The following ZNF292 variants were observed in gnomAD, a reference collection of about 807,000 sequenced individuals.
ZNF292 encodes zinc finger protein 292, also known as 16 zinc-finger domain protein.
ZNF292 carries 26 observed loss-of-function variants against 217.9 expected under a neutral mutation model. That is an observed-to-expected ratio of 0.12 (90% CI 0.09 to 0.17). ZNF292 has a LOEUF of 0.17. Ranked by LOEUF, ZNF292 falls within the 10% of genes least tolerant of loss-of-function variation. The pLI is 1.00. For synonymous variants in ZNF292, 1,257 were observed against 1,124.1 expected (o/e 1.12, Z -2.37); for missense variants, 2,904 against 3,175.2 (o/e 0.91, Z 2.05).
Position 87,259,271 on chromosome 6 carries a change from C to G in ZNF292, c.5642C>G (p.Thr1881Arg), listed in dbSNP as rs143920899. ...CCTGTTAAATCAACTGCAGATATCA[C>G]AGTTATTCAGCCAGTTTCTGAAATG... The part of the protein sequence containing the change: ...PTPVKSTADI[T>R]VIQPVSEMIN... Residue 1881 changes from threonine to arginine, a missense_variant, in exon 8 of 8, where the codon ACA (threonine) becomes AGA (arginine). This residue lies in a region of ZNF292 where 622 missense variants were observed against 573.1 expected (regional missense o/e 1.09). Coordinates refer to ENST00000369577, the MANE Select transcript of ZNF292 (RefSeq NM_015021.3). 1 of 1,613,658 alleles carries G rather than the reference C, an allele frequency of 6.2e-7. No homozygotes were observed. The highest frequency in any genetic ancestry group is 2.2e-5 in the East Asian group (1 of 44,864).
intron 1 of ZNF292, among the ~76,000 whole-genome samples, chr6:87,159,466 G>A (rs1770648011): frequency 6.8e-6 from 1 of 147,384 alleles, no homozygotes; most frequent in Non-Finnish European, 1.5e-5. Context: ...AGGCTCAAGT[G>A]ATCCTCCTGT....
intron 1 of ZNF292, among the ~76,000 whole-genome samples, chr6:87,177,352 C>G (rs1305645033): frequency 6.6e-6 from 1 of 151,604 alleles, no homozygotes; most frequent in African/African-American, 2.4e-5. Flanking sequence ...TGTTTTGAAT[C>G]CTTCAGTCAT....
intron 4 of ZNF292, among the ~76,000 whole-genome samples, chr6:87,228,838 T>C (rs1393077855): frequency 6.6e-6 from 1 of 152,228 alleles, no homozygotes; most frequent in Non-Finnish European, 1.5e-5. Flanking sequence ...AGCTCTGTAA[T>C]ACATCTCAAA....
At chr6:87,244,458 T>G (rs1193864721) in intron 6 of ZNF292, among the ~76,000 whole-genome samples, 1 of 152,208 alleles carries the variant, frequency 6.6e-6, no homozygotes, top group African/African-American at 2.4e-5. Context: ...TTTGTTGGTT[T>G]TTACAAAGGC....
chr6:87,183,647 A>G (rs982843334), intron 1 of ZNF292, among the ~76,000 whole-genome samples: 1 of 152,244 alleles, frequency 6.6e-6, no homozygotes, highest in Admixed American at 6.5e-5. Context: ...ACCACAGAAC[A>G]TAAACCACTT....
At position 87,255,815 on chromosome 6, in the gene ZNF292, G is replaced by T; in HGVS notation, c.2186G>T (p.Arg729Leu). 6.2e-7 allele frequency: 1 copy of T among 1,613,726 alleles called. No homozygotes were observed. The highest frequency in any genetic ancestry group is 8.5e-7 in the Non-Finnish European group (1 of 1,179,816). Reference protein sequence around the residue: ...SKKVICQYCRRHFVSVTHLND... With the variant: ...SKKVICQYCRLHFVSVTHLND... ...AAAGTTATTTGCCAGTACTGTAGGC[G>T]GCATTTTGTGAGTGTTACTCATCTC... The change falls in exon 8 of 8, where the codon CGG becomes CTG. Residue 729 changes from arginine to leucine, a missense_variant. Coordinates refer to ENST00000369577, the MANE Select transcript of ZNF292 (RefSeq NM_015021.3).
intron 1 of ZNF292, among the ~76,000 whole-genome samples, chr6:87,156,152 C>T (rs1156463368): frequency 6.6e-6 from 1 of 152,266 alleles, no homozygotes; most frequent in Non-Finnish European, 1.5e-5. Context: ...GCCTCTGCGC[C>T]TCTGCTTCCC....
At chr6:87,247,193 T>G (rs954658687) in intron 7 of ZNF292, among the ~76,000 whole-genome samples, 10 of 148,988 alleles carry the variant, frequency 6.7e-5, no homozygotes, top group Non-Finnish European at 1.5e-4. Context: ...AAAAAGATCT[T>G]GGGCCAGCTC....
intron 5 of ZNF292, among the ~76,000 whole-genome samples, chr6:87,240,966 G>C (rs572270492): frequency 6.6e-6 from 1 of 152,144 alleles, no homozygotes; most frequent in African/African-American, 2.4e-5. Flanking sequence ...AGAACTTAAC[G>C]CTTAGGCCTT....
intron 1 of ZNF292, among the ~76,000 whole-genome samples, chr6:87,158,657 A>G (rs1770623666): frequency 6.6e-6 from 1 of 152,196 alleles, no homozygotes; most frequent in Non-Finnish European, 1.5e-5. Flanking sequence ...AGCCCGGGTG[A>G]CAGAGAAAGA....
chr6:87,176,274 G>T (rs1395433230), intron 1 of ZNF292, among the ~76,000 whole-genome samples: 1 of 152,210 alleles, frequency 6.6e-6, no homozygotes, highest in Non-Finnish European at 1.5e-5. Flanking sequence ...TCAGTGCTTG[G>T]ATTTGATGAA....
At chr6:87,178,044 T>C (rs1319228197) in intron 1 of ZNF292, among the ~76,000 whole-genome samples, 1 of 149,924 alleles carries the variant, frequency 6.7e-6, no homozygotes, top group African/African-American at 2.5e-5. Context: ...CTTTAGTGTT[T>C]TCTTTTTTTT....
Position 87,262,252 on chromosome 6 carries a change from A to C in ZNF292, c.*451A>C, listed in dbSNP as rs1775645186. The C allele has an allele frequency of 6.6e-6, 1 of 152,292 alleles. No individual in the cohort carries two copies. Among genetic ancestry groups the C allele is most frequent in the South Asian group, 2.1e-4 (1 of 4,832 alleles). 9.4% of individuals were successfully genotyped at this position (152,292 alleles called of 1,614,324 possible). A position where few individuals can be genotyped will look rare whatever the true frequency, so the allele number is the denominator to read the frequency against. On this transcript the variant is annotated 3_prime_UTR_variant, in exon 8 of 8. Transcript: ENST00000369577. ...TTTATATTTGGAATTTTAATTTTTAACTAAGCGATCAAGTTTTTTAAATTG... is the reference window on the plus strand; with the variant it reads ...TTTATATTTGGAATTTTAATTTTTACCTAAGCGATCAAGTTTTTTAAATTG...
intron 1 of ZNF292, among the ~76,000 whole-genome samples, chr6:87,165,445 A>G (rs532881020): frequency 1.8e-4 from 27 of 152,236 alleles, no homozygotes; most frequent in Non-Finnish European, 3.2e-4. Flanking sequence ...GGAGTAAGAT[A>G]TAACTTTATT....
intron 5 of ZNF292, among the ~76,000 whole-genome samples, chr6:87,239,546 C>A (rs1774122085): frequency 2.6e-5 from 1 of 38,038 alleles, no homozygotes; most frequent in South Asian, 8.8e-4. Context: ...CCCCCCACCT[C>A]CCGGACAGGG....
intron 1 of ZNF292, among the ~76,000 whole-genome samples, chr6:87,156,782 A>T (rs1391742698): frequency 1.3e-5 from 2 of 152,248 alleles, no homozygotes; most frequent in African/African-American, 2.4e-5. Flanking sequence ...AAATCATTTC[A>T]TCCATGGTGA....
chr6:87,204,261 G>A (rs2127791518), intron 1 of ZNF292, among the ~76,000 whole-genome samples: 1 of 152,220 alleles, frequency 6.6e-6, no homozygotes, highest in Middle Eastern at 3.4e-3. Context: ...AAACGTCATT[G>A]GGATAATTTG....
At chr6:87,181,454 C>T (rs1771471106) in intron 1 of ZNF292, among the ~76,000 whole-genome samples, 1 of 152,084 alleles carries the variant, frequency 6.6e-6, no homozygotes. Flanking sequence ...TGTGTGTGTG[C>T]CCACTAAGGT....
At chr6:87,193,075 C>T (rs994837180) in intron 1 of ZNF292, among the ~76,000 whole-genome samples, 17 of 152,192 alleles carry the variant, frequency 1.1e-4, no homozygotes, top group African/African-American at 3.6e-4. Flanking sequence ...CTGCAGCCTC[C>T]ACCTTTGGGC....
Sources: gnomAD v4.1 joint callset for allele counts (sites outside exome capture counted in the v4.1 genomes callset) on GRCh38, gnomAD v4.1.1 for gene constraint, gnomAD v4.1.1 regional missense constraint, MANE v1.5 for transcripts, NCBI Gene and HGNC (gene_info 2026-07-23, HGNC 2026-07-21) for gene names.